SUMF1: variants seen among roughly 807,000 people sequenced by gnomAD.
The protein encoded by SUMF1 is sulfatase modifying factor 1, also known as formylglycine-generating enzyme.
Under a neutral mutation model 47.6 loss-of-function variants are expected in SUMF1, and 48 were observed. The observed-to-expected ratio is 1.01, with a 90% CI of 0.80 to 1.28. The LOEUF is 1.28. Ranked by LOEUF, SUMF1 falls within the 50% of genes most tolerant of loss-of-function variation. The pLI is 0.00. For missense variants in SUMF1, 571 were observed against 485.4 expected, an observed-to-expected ratio of 1.18 and a Z score of -1.66; for synonymous variants, 230 against 192.1, an observed-to-expected ratio of 1.20 and a Z score of -1.63.
In SUMF1 at chr3:4,420,110, C is replaced by T. The variant is rs373973248; in HGVS notation, c.556G>A (p.Ala186Thr). ...AAPWWLPVKG[A>T]NWRHPEGPDS... ...GGCCCTTCTGGGTGTCTCCAGTTAG[C>T]GCCTTTCACAGGTAACCACCAGGGA... is the stretch of plus-strand genomic sequence containing the variant. The change falls in exon 4 of 9, where the codon GCT becomes ACT. Residue 186 changes from alanine to threonine, a missense_variant. Ala to Thr is a moderately conservative substitution (Grantham distance 58). Coordinates refer to ENST00000272902, the MANE Select transcript of SUMF1 (RefSeq NM_182760.4). 28 of 1,613,946 alleles carry T rather than the reference C, an allele frequency of 1.7e-5. No homozygotes were observed. The highest frequency in any genetic ancestry group is 3.3e-5 in the Admixed American group (2 of 59,998).
chr3:4,363,812 G>T, intron 8 of SUMF1, among the ~76,000 whole-genome samples: 1 of 130,118 alleles, frequency 7.7e-6, no homozygotes, highest in African/African-American at 2.9e-5. Context: ...AGTTTTCAAA[G>T]GGAATGCTTC....
intron 8 of SUMF1, among the ~76,000 whole-genome samples, chr3:4,132,886 C>A (rs960801760): frequency 6.6e-6 from 1 of 152,032 alleles, no homozygotes; most frequent in East Asian, 1.9e-4. Flanking sequence ...TTACCATGCC[C>A]TGTGATTAAG....
At chr3:4,162,809 G>A (rs1490487028) in intron 8 of SUMF1, among the ~76,000 whole-genome samples, 2 of 151,960 alleles carry the variant, frequency 1.3e-5, no homozygotes, top group East Asian at 3.9e-4. Flanking sequence ...TCTTATGAAG[G>A]TGCTTTTTTG....
At chr3:4,250,686 T>C (rs929184625) in intron 8 of SUMF1, among the ~76,000 whole-genome samples, 14 of 152,300 alleles carry the variant, frequency 9.2e-5, no homozygotes, top group African/African-American at 2.4e-4. Context: ...CCAGTGCTCA[T>C]TGACCATTCT....
chr3:4,126,282 C>T (rs983257668), intron 8 of SUMF1, among the ~76,000 whole-genome samples: 1 of 150,930 alleles, frequency 6.6e-6, no homozygotes, highest in African/African-American at 2.4e-5. Flanking sequence ...TTTCTTCATG[C>T]TTGTTCTACT....
At chr3:4,307,037 C>A (rs1211713077) in intron 8 of SUMF1, among the ~76,000 whole-genome samples, 3 of 152,206 alleles carry the variant, frequency 2.0e-5, no homozygotes, top group Non-Finnish European at 4.4e-5. Context: ...TCACAGTCTT[C>A]TAATAGCTGC....
chr3:4,050,007 G>A (rs1004231569), intron 9 of SUMF1, among the ~76,000 whole-genome samples: 3 of 151,838 alleles, frequency 2.0e-5, no homozygotes, highest in African/African-American at 4.8e-5. Flanking sequence ...CTCAGCATTC[G>A]GATGGCCCTT....
chr3:4,453,056 T>G lies in SUMF1; in HGVS notation c.271-7A>C. 11 of 1,610,398 alleles carry G rather than the reference T, an allele frequency of 6.8e-6. No individual in the cohort carries two copies. Among genetic ancestry groups the G allele is most frequent in the Non-Finnish European group, 8.5e-6 (10 of 1,179,026 alleles). On this transcript the variant is annotated splice_region_variant and splice_polypyrimidine_tract_variant and intron_variant, in intron 1 of 8. Transcript: ENST00000272902. The stretch of plus-strand genomic sequence containing the variant: ...CAGCAGGGATGGGGACCATCTACAA[T>G]GAAAGGTGAAACACAGGAAGTCATG...
At chr3:4,045,223 G>A (rs1243361972) in intron 9 of SUMF1, among the ~76,000 whole-genome samples, 3 of 152,122 alleles carry the variant, frequency 2.0e-5, no homozygotes, top group Admixed American at 1.3e-4. Context: ...GAGCAGAACT[G>A]AGGCTTCCCT....
intron 8 of SUMF1, among the ~76,000 whole-genome samples, chr3:4,204,525 A>G (rs1695609353): frequency 6.6e-6 from 1 of 151,958 alleles, no homozygotes; most frequent in Admixed American, 6.6e-5. Flanking sequence ...ATCTCTCTCT[A>G]GGTTTGGTAA....
intron 8 of SUMF1, among the ~76,000 whole-genome samples, chr3:4,281,090 A>G (rs935462362): frequency 3.9e-5 from 6 of 152,098 alleles, no homozygotes; most frequent in South Asian, 2.1e-4. Flanking sequence ...CAAATGGAAA[A>G]GCAGGGACTG....
chr3:4,366,408 T>C (rs976164095), intron 8 of SUMF1, among the ~76,000 whole-genome samples: 4 of 151,994 alleles, frequency 2.6e-5, no homozygotes, highest in South Asian at 2.1e-4. Flanking sequence ...GGAGGCTTTG[T>C]TCATTTCTTT....
chr3:4,459,982 AT>A (rs1322999386), intron 1 of SUMF1, among the ~76,000 whole-genome samples: 1 of 152,234 alleles, frequency 6.6e-6, no homozygotes, highest in Non-Finnish European at 1.5e-5. Flanking sequence ...TTTTAAGTAA[AT>A]TGTGGGCCTT....
At chr3:4,215,977 A>G (rs1482028398) in intron 8 of SUMF1, among the ~76,000 whole-genome samples, 4 of 152,198 alleles carry the variant, frequency 2.6e-5, no homozygotes, top group African/African-American at 9.6e-5. Context: ...AAAGTAATTT[A>G]TAGATTCAAT....
In SUMF1 at chr3:4,058,240, C is replaced by T. The variant is rs74518590; in HGVS notation, c.1191+10329G>A. Among the ~76,000 whole-genome samples, 1,213 of 152,228 alleles carry T rather than the reference C, an allele frequency of 8.0e-3. 17 individuals are homozygous for T. The highest frequency in any genetic ancestry group is 0.013 in the Non-Finnish European group (865 of 68,020). On this transcript the variant is annotated intron_variant and NMD_transcript_variant, in intron 9 of 12. Coordinates refer to the SUMF1 transcript ENST00000448413. The stretch of plus-strand genomic sequence containing the variant: ...CACAATCACAAAGCCATGTTGCTCG[C>T]GAGCAGGTATATACACATATATTCT...
chr3:4,153,641 A>C (rs997011529), intron 8 of SUMF1, among the ~76,000 whole-genome samples: 3 of 149,994 alleles, frequency 2.0e-5, no homozygotes, highest in South Asian at 2.1e-4. Context: ...TACCATTTTC[A>C]TTTTCACTTT....
At chr3:4,258,588 G>T (rs987741971) in intron 8 of SUMF1, among the ~76,000 whole-genome samples, 2 of 152,118 alleles carry the variant, frequency 1.3e-5, no homozygotes, top group African/African-American at 4.8e-5. Context: ...AGTTAGAATG[G>T]CAATCACTAA....
At chr3:4,177,186 G>A (rs1466060618) in intron 8 of SUMF1, among the ~76,000 whole-genome samples, 1 of 152,104 alleles carries the variant, frequency 6.6e-6, no homozygotes, top group East Asian at 1.9e-4. Context: ...GCAACAAGCA[G>A]ACCCAATAGA....
intron 8 of SUMF1, among the ~76,000 whole-genome samples, chr3:4,167,097 C>T (rs1172349130): frequency 6.6e-6 from 1 of 152,072 alleles, no homozygotes; most frequent in African/African-American, 2.4e-5. Context: ...GAGTTGGTTC[C>T]TTCTGGTGGG....
Sources: gnomAD v4.1 joint callset for allele counts (sites outside exome capture counted in the v4.1 genomes callset) on GRCh38, gnomAD v4.1.1 for gene constraint, MANE v1.5 for transcripts, NCBI Gene and HGNC (gene_info 2026-07-23, HGNC 2026-07-21) for gene names.